Variants in MEIS1 observed in about 807,000 individuals in gnomAD.
MEIS1 encodes the protein Meis homeobox 1.
In MEIS1, 5 loss-of-function variants were observed where a neutral mutation model predicts 50.8. The observed-to-expected ratio is 0.10, with a 90% CI of 0.05 to 0.21. The LOEUF (loss-of-function observed/expected upper bound fraction) is 0.21. Among genes scored for constraint, MEIS1 ranks in the 10% least tolerant of loss-of-function variants. MEIS1 has a pLI of 1.00. For synonymous variants in MEIS1, 176 were observed against 179.3 expected (o/e 0.98, Z 0.15); for missense variants, 318 against 517.3 (o/e 0.61, Z 3.74).
intron 8 of MEIS1, among the ~76,000 whole-genome samples, chr2:66,527,111 T>C (rs531005459): frequency 6.6e-6 from 1 of 152,362 alleles, no homozygotes; most frequent in East Asian, 1.9e-4. Context: ...TTTGAATTTC[T>C]AAAAGTCAGA....
chr2:66,555,964 A>G (rs1306464634), intron 9 of MEIS1, among the ~76,000 whole-genome samples: 1 of 152,134 alleles, frequency 6.6e-6, no homozygotes, highest in African/African-American at 2.4e-5. Flanking sequence ...GCATTGCTCC[A>G]GTGTGTGCAC....
At chr2:66,461,886 A>G in intron 6 of MEIS1, 1 of 470,942 alleles carries the variant, frequency 2.1e-6, no homozygotes, top group Non-Finnish European at 4.4e-6. Flanking sequence ...TGATGAAAAA[A>G]GGTAGGCACA....
chr2:66,563,679 T>G (rs540187730), intron 9 of MEIS1, among the ~76,000 whole-genome samples: 1 of 152,268 alleles, frequency 6.6e-6, no homozygotes, highest in East Asian at 1.9e-4. Flanking sequence ...CTGGACCAAT[T>G]TATTTAAACA....
chr2:66,500,604 T>A (rs184548920), intron 7 of MEIS1, among the ~76,000 whole-genome samples: 89 of 152,174 alleles, frequency 5.8e-4, no homozygotes, highest in Middle Eastern at 3.4e-3. Flanking sequence ...TTTGTATTTT[T>A]AGTAGAGGCA....
intron 6 of MEIS1, among the ~76,000 whole-genome samples, chr2:66,444,349 GCGCCTGACGCCTGGTTCTT>G (rs1672076160): frequency 6.6e-6 from 1 of 152,202 alleles, no homozygotes; most frequent in Non-Finnish European, 1.5e-5. Context: ...TCCTTGTCGA[GCGCCTGACGCCTGGTTCTT>G]AGTGTCATCT....
chr2:66,469,233 AAAG>A (rs781195098), intron 7 of MEIS1, among the ~76,000 whole-genome samples: 1 of 151,366 alleles, frequency 6.6e-6, no homozygotes, highest in African/African-American at 2.4e-5. Flanking sequence ...ATGTTTCTTT[AAAG>A]AAGATTAATG....
intron 7 of MEIS1, among the ~76,000 whole-genome samples, chr2:66,472,086 T>C (rs1043846569): frequency 6.6e-6 from 1 of 152,206 alleles, no homozygotes; most frequent in African/African-American, 2.4e-5. Flanking sequence ...TGCATTGGGT[T>C]TTAAACTATA....
chr2:66,467,846 T>C (rs541037721), intron 7 of MEIS1, among the ~76,000 whole-genome samples: 12 of 152,308 alleles, frequency 7.9e-5, no homozygotes, highest in African/African-American at 2.6e-4. Context: ...TCCTTTTCAA[T>C]TGGCATTTAA....
intron 9 of MEIS1, among the ~76,000 whole-genome samples, chr2:66,550,901 A>G (rs11902986): frequency 0.019 from 2,892 of 152,258 alleles, 79 homozygotes; most frequent in African/African-American, 0.066. Flanking sequence ...CATCATTAGT[A>G]TTTCTGTGTT....
intron 7 of MEIS1, among the ~76,000 whole-genome samples, chr2:66,481,923 C>T (rs527897271): frequency 6.4e-5 from 9 of 140,924 alleles, no homozygotes; most frequent in South Asian, 2.3e-4. Flanking sequence ...GGCGTGATCT[C>T]GGCTTACTGC....
At chr2:66,483,211 T>C (rs947913155) in intron 7 of MEIS1, among the ~76,000 whole-genome samples, 4 of 150,646 alleles carry the variant, frequency 2.7e-5, no homozygotes, top group African/African-American at 9.9e-5. Context: ...AGGGGAGTTA[T>C]GCTTATTTTT....
At chr2:66,482,005 CCACCACA>C (rs11277694) in intron 7 of MEIS1, among the ~76,000 whole-genome samples, 25,182 of 151,304 alleles carry the variant, frequency 0.17, 4,280 homozygotes, top group African/African-American at 0.44. Flanking sequence ...CAGGTGCACA[CCACCACA>C]CACCACACCC....
intron 7 of MEIS1, among the ~76,000 whole-genome samples, chr2:66,476,314 C>T (rs1020814879): frequency 1.3e-5 from 2 of 152,062 alleles, no homozygotes. Flanking sequence ...AAAAACATCC[C>T]CTCAGGTAAA....
chr2:66,458,336 C>T (rs1234497135), intron 6 of MEIS1, among the ~76,000 whole-genome samples: 2 of 151,908 alleles, frequency 1.3e-5, no homozygotes, highest in African/African-American at 4.8e-5. Flanking sequence ...CATGTTATTC[C>T]AAGGTGAAAA....
At chr2:66,472,939 C>T (rs913260314) in intron 7 of MEIS1, among the ~76,000 whole-genome samples, 1 of 152,106 alleles carries the variant, frequency 6.6e-6, no homozygotes, top group African/African-American at 2.4e-5. Flanking sequence ...GAGGAGAGGA[C>T]CCCTTTGGCA....
At chr2:66,451,884 C>G (rs543895820) in intron 6 of MEIS1, among the ~76,000 whole-genome samples, 3 of 151,774 alleles carry the variant, frequency 2.0e-5, no homozygotes, top group Admixed American at 1.3e-4. Context: ...CAATATATAG[C>G]CTTCCTATAT....
intron 7 of MEIS1, among the ~76,000 whole-genome samples, chr2:66,492,761 G>A (rs946190767): frequency 6.6e-6 from 1 of 152,174 alleles, no homozygotes; most frequent in Admixed American, 6.5e-5. Context: ...AAAAAGTGTG[G>A]TTACAAAGTG....
In MEIS1 at chr2:66,437,823, G is replaced by A. The variant is rs772012473; in HGVS notation, c.99G>A (p.Met33Ile). The A allele has an allele frequency of 2.0e-5, 32 of 1,613,920 alleles. No homozygotes were observed. The highest frequency in any genetic ancestry group is 2.7e-5 in the Non-Finnish European group (32 of 1,179,882). Residue 33 changes from methionine to isoleucine, a missense_variant, in exon 2 of 13, where the codon ATG becomes ATA. Met to Ile is a conservative substitution (Grantham distance 10, BLOSUM62 1). Coordinates refer to ENST00000272369, the MANE Select transcript of MEIS1 (RefSeq NM_002398.3). ...GGGACCCGCATGCAGCCAGGTCCAT[G>A]CAGCCGGTCCACCACCTGAACCACG... The part of the protein sequence containing the change: ...MYGDPHAARS[M>I]QPVHHLNHGP...
chr2:66,512,403 ATAAC>A (rs1221044262), intron 8 of MEIS1, 109 bp downstream of exon 8: 24 of 1,264,540 alleles, frequency 1.9e-5, no homozygotes, highest in Middle Eastern at 2.2e-4. Flanking sequence ...TATTTAATAA[ATAAC>A]TGTGTTCCCA....
Sources: gnomAD v4.1 joint callset for allele counts (sites outside exome capture counted in the v4.1 genomes callset) on GRCh38, gnomAD v4.1.1 for gene constraint, MANE v1.5 for transcripts, NCBI Gene and HGNC (gene_info 2026-07-23, HGNC 2026-07-21) for gene names.